The following PCGF5 variants were observed in gnomAD, a reference collection of about 807,000 sequenced individuals.
The protein encoded by PCGF5 is polycomb group ring finger 5.
Under a neutral mutation model 44.3 loss-of-function variants are expected in PCGF5, and 9 were observed. That is an observed-to-expected ratio of 0.20 (90% CI 0.12 to 0.35). The LOEUF (loss-of-function observed/expected upper bound fraction) is 0.35. PCGF5 is among the 10% of genes least tolerant of loss of function. The pLI, the probability that PCGF5 is intolerant of heterozygous loss-of-function variation, is 1.00. For missense variants in PCGF5, 146 were observed against 305.3 expected (o/e 0.48, Z 3.89); for synonymous variants, 95 against 102.5 (o/e 0.93, Z 0.44).
chr10:91,217,767 A>C (rs1379340126), upstream of PCGF5, among the ~76,000 whole-genome samples: 1 of 152,102 alleles, frequency 6.6e-6, no homozygotes, highest in Admixed American at 6.5e-5. Flanking sequence ...TCCTTGTTTA[A>C]CAACAACAAA....
At chr10:91,164,274 G>A (rs1843455726) in intron 1 of PCGF5, among the ~76,000 whole-genome samples, 1 of 152,236 alleles carries the variant, frequency 6.6e-6, no homozygotes, top group Non-Finnish European at 1.5e-5. Flanking sequence ...CGGAGGGACG[G>A]GGGAGACTTA....
At chr10:91,178,152 G>GA (rs34667308) in intron 1 of PCGF5, among the ~76,000 whole-genome samples, 2 of 151,924 alleles carry the variant, frequency 1.3e-5, no homozygotes, top group African/African-American at 4.8e-5. Context: ...TGTAGGCTGG[G>GA]AAAAAACATT....
intron 9 of PCGF5, among the ~76,000 whole-genome samples, chr10:91,273,980 A>G (rs1392518587): frequency 6.6e-6 from 1 of 151,862 alleles, no homozygotes; most frequent in Non-Finnish European, 1.5e-5. Context: ...TTTTCAAAAC[A>G]ACAGAAAATT....
At chr10:91,234,192 T>C (rs1263151975) in intron 2 of PCGF5, among the ~76,000 whole-genome samples, 1 of 152,160 alleles carries the variant, frequency 6.6e-6, no homozygotes, top group Non-Finnish European at 1.5e-5. Flanking sequence ...AGTTCAACTA[T>C]GAAATCAACA....
chr10:91,263,274 G>C (rs1201367926), intron 7 of PCGF5, among the ~76,000 whole-genome samples: 2 of 152,042 alleles, frequency 1.3e-5, no homozygotes, highest in East Asian at 3.8e-4. Context: ...CATCCTAAGT[G>C]AGACCCTTTA....
intron 1 of PCGF5, among the ~76,000 whole-genome samples, chr10:91,163,274 G>A (rs1056869020): frequency 2.7e-5 from 4 of 150,786 alleles, no homozygotes; most frequent in Non-Finnish European, 4.4e-5. Context: ...GCCGGTGGGC[G>A]GCGCGGCCGG....
chr10:91,253,062 T>A (rs536279136), intron 6 of PCGF5, among the ~76,000 whole-genome samples: 1 of 152,114 alleles, frequency 6.6e-6, no homozygotes, highest in South Asian at 2.1e-4. Context: ...TCCTGCTTTG[T>A]CTCCACTGCC....
chr10:91,223,011 T>A, intron 2 of PCGF5, 28 bp downstream of exon 2: 1 of 1,371,564 alleles, frequency 7.3e-7, no homozygotes, highest in Non-Finnish European at 1.0e-6. Context: ...TTATTATACC[T>A]ATCAAAGTTT....
At chr10:91,201,603 C>T (rs1844253612) in intron 1 of PCGF5, among the ~76,000 whole-genome samples, 1 of 152,168 alleles carries the variant, frequency 6.6e-6, no homozygotes, top group Non-Finnish European at 1.5e-5. Flanking sequence ...CACCCACAGC[C>T]CCTGAGGGAA....
At chr10:91,176,720 C>T (rs1036447543) in intron 1 of PCGF5, among the ~76,000 whole-genome samples, 9 of 152,182 alleles carry the variant, frequency 5.9e-5, no homozygotes, top group South Asian at 2.1e-4. Flanking sequence ...CTTGTGCATT[C>T]GTCACGTAGT....
intron 1 of PCGF5, among the ~76,000 whole-genome samples, chr10:91,200,774 T>C (rs917762835): frequency 1.3e-5 from 2 of 152,148 alleles, no homozygotes; most frequent in African/African-American, 4.8e-5. Context: ...AAATTAAGCT[T>C]TGGTTTCTTC....
At chr10:91,206,423 G>A (rs554256618) in intron 1 of PCGF5, among the ~76,000 whole-genome samples, 1 of 152,184 alleles carries the variant, frequency 6.6e-6, no homozygotes, top group African/African-American at 2.4e-5. Flanking sequence ...TGATGCCTTT[G>A]AATGAGGATT....
At chr10:91,208,218 C>T (rs2133246786) in intron 1 of PCGF5, among the ~76,000 whole-genome samples, 1 of 152,112 alleles carries the variant, frequency 6.6e-6, no homozygotes, top group South Asian at 2.1e-4. Context: ...TCTTCTTTTC[C>T]TCCCATTTGT....
At position 91,271,654 on chromosome 10, in the gene PCGF5, G is replaced by T; in HGVS notation, c.680G>T (p.Cys227Phe). The T allele has an allele frequency of 1.2e-6, 2 of 1,613,854 alleles. No individual in the cohort carries two copies. Among genetic ancestry groups the T allele is most frequent in the Non-Finnish European group, 1.7e-6 (2 of 1,179,878 alleles). ...CCTCCGCAGTTTCGGTGTCTGAACT[G>T]CTCAGCTTCGCAAGTCTGCTCTCAG... ...LRGENFRCLNCSASQVCSQDG... is the reference protein window; with the variant it reads ...LRGENFRCLNFSASQVCSQDG... The change falls in exon 9 of 10, where the codon TGC becomes TTC. Residue 227 changes from cysteine (C) to phenylalanine (F), a missense_variant. Coordinates refer to ENST00000336126, the MANE Select transcript of PCGF5 (RefSeq NM_032373.5).
chr10:91,195,912 TC>T (rs1190941382), intron 1 of PCGF5, among the ~76,000 whole-genome samples: 2 of 151,348 alleles, frequency 1.3e-5, no homozygotes, highest in Admixed American at 1.3e-4. Context: ...CAAGGTTTGT[TC>T]ATCAACTTGG....
chr10:91,196,293 A>G (rs1732401815), intron 1 of PCGF5, among the ~76,000 whole-genome samples: 1 of 152,220 alleles, frequency 6.6e-6, no homozygotes, highest in African/African-American at 2.4e-5. Flanking sequence ...AGTATCTCCT[A>G]AAATTTTGGC....
intron 8 of PCGF5, among the ~76,000 whole-genome samples, chr10:91,266,888 G>A (rs536126278): frequency 1.3e-5 from 2 of 152,142 alleles, no homozygotes; most frequent in Admixed American, 6.5e-5. Context: ...ACCCACCATC[G>A]CCATTCTCCT....
intron 1 of PCGF5, among the ~76,000 whole-genome samples, chr10:91,164,281 CTT>C (rs1843455902): frequency 1.3e-5 from 2 of 152,170 alleles, no homozygotes; most frequent in Non-Finnish European, 2.9e-5. Flanking sequence ...ACGGGGGAGA[CTT>C]AGTGCAAAAG....
chr10:91,224,963 T>C (rs2133288039), intron 2 of PCGF5, among the ~76,000 whole-genome samples: 1 of 152,210 alleles, frequency 6.6e-6, no homozygotes, highest in East Asian at 1.9e-4. Flanking sequence ...TGAACATTTG[T>C]TCATTGTTTT....
Sources: gnomAD v4.1 joint callset for allele counts (sites outside exome capture counted in the v4.1 genomes callset) on GRCh38, gnomAD v4.1.1 for gene constraint, MANE v1.5 for transcripts, NCBI Gene and HGNC (gene_info 2026-07-23, HGNC 2026-07-21) for gene names.